The following TAS2R1 variants were observed in gnomAD, a reference collection of about 807,000 sequenced individuals.
The protein encoded by TAS2R1 is taste 2 receptor member 1.
For synonymous variants in TAS2R1, 141 were observed against 134.2 expected, an observed-to-expected ratio of 1.05 and a Z score of -0.35; for missense variants, 370 against 353.4, an observed-to-expected ratio of 1.05 and a Z score of -0.38.
At chr5:9,877,488 G>T in the TAS2R1 span, among the ~76,000 whole-genome samples, 1 of 152,130 alleles carries the variant, frequency 6.6e-6, no homozygotes, top group African/African-American at 2.4e-5. Flanking sequence ...TATACTTTTT[G>T]AATAGCAAGT....
At chr5:9,673,926 T>A (rs931913421) in intron 1 of TAS2R1, among the ~76,000 whole-genome samples, 1 of 152,128 alleles carries the variant, frequency 6.6e-6, no homozygotes. Flanking sequence ...GCCCAATCCC[T>A]GCACCCACCC....
At chr5:9,856,515 A>G in the TAS2R1 span, among the ~76,000 whole-genome samples, 191 of 152,340 alleles carry the variant, frequency 1.3e-3, 2 homozygotes, top group African/African-American at 4.2e-3. Flanking sequence ...GAAAAGAAAG[A>G]GTGTTCCTAC....
chr5:9,775,290 G>A, the TAS2R1 span, among the ~76,000 whole-genome samples: 1 of 152,316 alleles, frequency 6.6e-6, no homozygotes, highest in East Asian at 1.9e-4. Flanking sequence ...TCAGCTTGTG[G>A]TGAATGCTGT....
chr5:9,716,831 T>G (rs1315145932), upstream of TAS2R1, among the ~76,000 whole-genome samples: 1 of 152,162 alleles, frequency 6.6e-6, no homozygotes, highest in Non-Finnish European at 1.5e-5. Context: ...AATATGGTCC[T>G]CAGGGTTTAG....
At chr5:9,887,904 G>A in the TAS2R1 span, among the ~76,000 whole-genome samples, 2 of 152,242 alleles carry the variant, frequency 1.3e-5, no homozygotes, top group African/African-American at 2.4e-5. Context: ...AGCTAAGCAG[G>A]GTACTCCAGG....
chr5:9,836,521 C>T, the TAS2R1 span, among the ~76,000 whole-genome samples: 1 of 152,042 alleles, frequency 6.6e-6, no homozygotes, highest in South Asian at 2.1e-4. Flanking sequence ...CAAAATTGTA[C>T]CCACATATTG....
intron 1 of TAS2R1, among the ~76,000 whole-genome samples, chr5:9,681,762 C>G (rs372264515): frequency 3.3e-5 from 5 of 152,138 alleles, no homozygotes; most frequent in African/African-American, 1.2e-4. Context: ...AGTCCTGCTT[C>G]TCAGTGTGGT....
the TAS2R1 span, among the ~76,000 whole-genome samples, chr5:9,834,763 A>AG: frequency 2.7e-4 from 41 of 151,106 alleles, no homozygotes; most frequent in Non-Finnish European, 6.1e-4. Context: ...TAAAAAAAAA[A>AG]AAGAAACCCA....
intron 1 of TAS2R1, among the ~76,000 whole-genome samples, chr5:9,678,249 C>T (rs770290291): frequency 6.6e-6 from 1 of 152,040 alleles, no homozygotes; most frequent in African/African-American, 2.4e-5. Context: ...TCATGCCAAT[C>T]AGAATGGTGG....
the TAS2R1 span, among the ~76,000 whole-genome samples, chr5:9,777,227 T>C: frequency 6.6e-6 from 1 of 152,206 alleles, no homozygotes; most frequent in Admixed American, 6.5e-5. Context: ...TTTGATAACA[T>C]TTTACCCAGA....
At chr5:9,745,422 G>A in the TAS2R1 span, among the ~76,000 whole-genome samples, 1 of 151,928 alleles carries the variant, frequency 6.6e-6, no homozygotes. Flanking sequence ...ACAAATGGAG[G>A]TCACTGAGTA....
At chr5:9,874,656 T>C in the TAS2R1 span, among the ~76,000 whole-genome samples, 1 of 152,190 alleles carries the variant, frequency 6.6e-6, no homozygotes, top group Non-Finnish European at 1.5e-5. Flanking sequence ...ATGACTCATG[T>C]TAGGTGTGAA....
Position 9,630,120 on chromosome 5 carries a change from A to T in TAS2R1, c.-88T>A. On this transcript the variant is annotated 5_prime_UTR_variant, in exon 1 of 1. Coordinates refer to ENST00000382492, the MANE Select transcript of TAS2R1 (RefSeq NM_019599.3). ...GTTGTTCACGCTCTTCAATTAGATC[A>T]GGACTCCTCTGGGGAAGAAGACTAA... is the stretch of plus-strand genomic sequence containing the variant. The T allele has an allele frequency of 8.9e-7, 1 of 1,124,604 alleles. No homozygotes were observed. Among genetic ancestry groups the T allele is most frequent in the Non-Finnish European group, 1.2e-6 (1 of 809,586 alleles). 69.7% of individuals were successfully genotyped at this position (1,124,604 alleles called of 1,614,324 possible).
chr5:9,850,070 A>G, the TAS2R1 span, among the ~76,000 whole-genome samples: 1 of 152,174 alleles, frequency 6.6e-6, no homozygotes, highest in Non-Finnish European at 1.5e-5. Context: ...TCAACTATGC[A>G]TGGTCTATTC....
intron 1 of TAS2R1, among the ~76,000 whole-genome samples, chr5:9,697,167 C>T (rs986453917): frequency 6.6e-5 from 10 of 151,832 alleles, no homozygotes; most frequent in Admixed American, 1.3e-4. Flanking sequence ...CTGAAAGACA[C>T]CTTTTTTGTT....
chr5:9,722,958 T>C, the TAS2R1 span, among the ~76,000 whole-genome samples: 1 of 152,356 alleles, frequency 6.6e-6, no homozygotes, highest in East Asian at 1.9e-4. Context: ...AAGAAGCCTC[T>C]GCTGCATGAC....
At chr5:9,836,304 T>C in the TAS2R1 span, among the ~76,000 whole-genome samples, 1 of 152,152 alleles carries the variant, frequency 6.6e-6, no homozygotes, top group East Asian at 1.9e-4. Flanking sequence ...AAGTGTGTTA[T>C]TTGGAACTTC....
At chr5:9,639,505 T>C (rs1447384331) in intron 2 of TAS2R1, among the ~76,000 whole-genome samples, 1 of 152,206 alleles carries the variant, frequency 6.6e-6, no homozygotes, top group Non-Finnish European at 1.5e-5. Flanking sequence ...CGCCACTCTT[T>C]CAAAGGATCT....
the TAS2R1 span, among the ~76,000 whole-genome samples, chr5:9,861,037 G>GGTTTTTTTTTTTTTTTTTTTTT: frequency 1.1e-4 from 10 of 88,620 alleles, no homozygotes; most frequent in African/African-American, 3.4e-4. Context: ...GGAAGATGAG[G>GGTTTTTTTTTTTTTTTTTTTTT]TTTTTTTTTT....
Sources: allele counts gnomAD v4.1 joint callset (sites outside exome capture counted in the v4.1 genomes callset), GRCh38; gene constraint gnomAD v4.1.1; transcripts MANE v1.5; gene names NCBI Gene and HGNC (gene_info 2026-07-23, HGNC 2026-07-21).